ATOX1: variants seen among roughly 807,000 people sequenced by gnomAD.
ATOX1 encodes the protein antioxidant 1 copper chaperone.
A neutral mutation model predicts 7.3 loss-of-function variants in ATOX1; 4 were observed. The ratio of observed to expected loss-of-function variants is 0.55; its 90% CI spans 0.27 to 1.25. ATOX1 has a LOEUF of 1.25. Among genes scored for constraint, ATOX1 ranks in the 50% most tolerant of loss-of-function variants. The pLI is 0.12. For synonymous variants in ATOX1, 25 were observed against 28.7 expected, an observed-to-expected ratio of 0.87 and a Z score of 0.41; for missense variants, 68 against 81.6, an observed-to-expected ratio of 0.83 and a Z score of 0.64.
intron 1 of ATOX1, among the ~76,000 whole-genome samples, chr5:151,754,980 C>CAAAA (rs79359321): frequency 1.2e-4 from 6 of 48,690 alleles, no homozygotes; most frequent in South Asian, 7.0e-4. Context: ...AGACACCGTC[C>CAAAA]AAAAAAAAAA....
At chr5:151,745,206 C>G (rs970683784) in intron 3 of ATOX1, 21 of 152,152 alleles carry the variant, frequency 1.4e-4, no homozygotes, top group African/African-American at 4.8e-4. Context: ...GAGGACCTAC[C>G]AGTCAGTGTG....
At chr5:151,754,899 G>A (rs1258934416) in intron 1 of ATOX1, among the ~76,000 whole-genome samples, 2 of 149,280 alleles carry the variant, frequency 1.3e-5, no homozygotes, top group Non-Finnish European at 3.0e-5. Context: ...CAGGAGAATC[G>A]CTTGACCCAG....
intron 2 of ATOX1, among the ~76,000 whole-genome samples, chr5:151,748,043 T>C (rs1761899965): frequency 6.6e-6 from 1 of 152,246 alleles, no homozygotes; most frequent in African/African-American, 2.4e-5. Flanking sequence ...TTAAAACACT[T>C]ATAAAAATAT....
chr5:151,751,069 C>A (rs1442227778), intron 2 of ATOX1, among the ~76,000 whole-genome samples: 1 of 151,750 alleles, frequency 6.6e-6, no homozygotes, highest in Non-Finnish European at 1.5e-5. Flanking sequence ...CCAGCCTGAC[C>A]AACATGGAGA....
chr5:151,758,184 G>A (rs1393715317), intron 1 of ATOX1, among the ~76,000 whole-genome samples: 1 of 152,238 alleles, frequency 6.6e-6, no homozygotes, highest in Non-Finnish European at 1.5e-5. Flanking sequence ...TCCGCGGGCA[G>A]GGCAGCCAGG....
At chr5:151,756,271 A>T (rs1019888459) in intron 1 of ATOX1, among the ~76,000 whole-genome samples, 2 of 151,688 alleles carry the variant, frequency 1.3e-5, no homozygotes, top group African/African-American at 4.8e-5. Context: ...CAGATGAGGA[A>T]ACTGAGATTT....
intron 1 of ATOX1, among the ~76,000 whole-genome samples, chr5:151,758,123 C>T (rs369711417): frequency 2.0e-5 from 3 of 152,370 alleles, no homozygotes. Context: ...AGGAAATAAC[C>T]GGGTCCACTC....
At chr5:151,757,433 T>G (rs1431568471) in intron 1 of ATOX1, among the ~76,000 whole-genome samples, 1 of 149,832 alleles carries the variant, frequency 6.7e-6, no homozygotes, top group Non-Finnish European at 1.5e-5. Flanking sequence ...ATCCATACTT[T>G]GTTGTTGGAG....
chr5:151,746,474 G>A, intron 2 of ATOX1, 25 bp from the exon 3 acceptor site: 1 of 1,613,088 alleles, frequency 6.2e-7, no homozygotes, highest in African/African-American at 1.3e-5. Context: ...AATGGGGTAT[G>A]GGGAGAGGAA....
intron 1 of ATOX1, 178 bp from the exon 2 acceptor site, chr5:151,751,957 AAG>A: frequency 3.2e-6 from 2 of 616,926 alleles, no homozygotes; most frequent in Non-Finnish European, 5.8e-6. Flanking sequence ...TAGAGTAGCT[AAG>A]AGTTTCTACC....
intron 2 of ATOX1, among the ~76,000 whole-genome samples, chr5:151,748,286 T>C (rs1199104237): frequency 6.6e-6 from 1 of 152,130 alleles, no homozygotes; most frequent in African/African-American, 2.4e-5. Flanking sequence ...TGGGTGACCA[T>C]GGGCAGGGAG....
chr5:151,753,008 G>T (rs1355220574), intron 1 of ATOX1, among the ~76,000 whole-genome samples: 1 of 152,160 alleles, frequency 6.6e-6, no homozygotes, highest in East Asian at 1.9e-4. Flanking sequence ...CTATCACAAT[G>T]TCATAAAGGA....
chr5:151,750,102 A>G (rs558534801), intron 2 of ATOX1, among the ~76,000 whole-genome samples: 1 of 152,350 alleles, frequency 6.6e-6, no homozygotes, highest in East Asian at 1.9e-4. Context: ...AAAATCTTAG[A>G]AGGCTGACTG....
At chr5:151,755,740 A>T (rs1762005889) in intron 1 of ATOX1, among the ~76,000 whole-genome samples, 1 of 152,146 alleles carries the variant, frequency 6.6e-6, no homozygotes, top group African/African-American at 2.4e-5. Context: ...TTTGAGGGTG[A>T]TGGAAAATCT....
intron 2 of ATOX1, among the ~76,000 whole-genome samples, chr5:151,750,464 C>CCACTG (rs1761932889): frequency 6.8e-6 from 1 of 147,764 alleles, no homozygotes; most frequent in African/African-American, 2.5e-5. Flanking sequence ...TGAGATCATG[C>CCACTG]CACTGCACTC....
At chr5:151,758,227 C>T (rs1444479800) in intron 1 of ATOX1, among the ~76,000 whole-genome samples, 1 of 152,260 alleles carries the variant, frequency 6.6e-6, no homozygotes, top group Non-Finnish European at 1.5e-5. Context: ...TCTCAGTTCC[C>T]GCTGGCCACC....
chr5:151,751,424 T>C (rs908921446), intron 2 of ATOX1, among the ~76,000 whole-genome samples: 1 of 151,998 alleles, frequency 6.6e-6, no homozygotes, highest in Non-Finnish European at 1.5e-5. Context: ...TTACTGACCA[T>C]GTGATCCCAG....
intron 1 of ATOX1, chr5:151,752,325 C>T (rs778164606): frequency 2.4e-5 from 17 of 702,376 alleles, no homozygotes; most frequent in African/African-American, 1.2e-4. Flanking sequence ...ATCCAAGGGC[C>T]GCATTCTCAG....
intron 2 of ATOX1, among the ~76,000 whole-genome samples, chr5:151,748,904 G>A (rs987402169): frequency 2.6e-5 from 4 of 151,790 alleles, no homozygotes; most frequent in Non-Finnish European, 5.9e-5. Flanking sequence ...TTCCCAGCCT[G>A]CATAACAAAG....
Sources: allele counts gnomAD v4.1 joint callset (sites outside exome capture counted in the v4.1 genomes callset), GRCh38; gene constraint gnomAD v4.1.1; transcripts MANE v1.5; gene names NCBI Gene and HGNC (gene_info 2026-07-23, HGNC 2026-07-21).